Variants in SCNN1D observed in about 807,000 individuals in gnomAD.
SCNN1D encodes the protein epithelial sodium channel subunit delta.
A neutral mutation model predicts 87.8 loss-of-function variants in SCNN1D; 104 were observed. The ratio of observed to expected loss-of-function variants is 1.18; its 90% confidence interval spans 1.01 to 1.39. The LOEUF (loss-of-function observed/expected upper bound fraction) is 1.39, where lower values mean the gene tolerates loss of function less well. Ranked by LOEUF, SCNN1D falls within the 40% of genes most tolerant of loss-of-function variation. The pLI, the probability that SCNN1D is intolerant of heterozygous loss-of-function variation, is 0.00. For synonymous variants in SCNN1D, 628 were observed against 481.2 expected, an observed-to-expected ratio of 1.31 and a Z score of -3.99; for missense variants, 1,324 against 1,093.9, an observed-to-expected ratio of 1.21 and a Z score of -2.97.
chr1:1,284,549 G>T (rs992043271), intron 5 of SCNN1D, among the ~76,000 whole-genome samples: 1 of 148,458 alleles, frequency 6.7e-6, no homozygotes, highest in African/African-American at 2.5e-5. Flanking sequence ...TGGACCACGG[G>T]GGGTGCACAG....
chr1:1,288,529 TCCCGTGTCTCTGCTCCGTCC>T (rs1640683980), intron 12 of SCNN1D, among the ~76,000 whole-genome samples: 2 of 59,534 alleles, frequency 3.4e-5, no homozygotes, highest in African/African-American at 9.6e-5. Flanking sequence ...CCCTGCTCCG[TCCCGTGTCTCTGCTCCGTCC>T]CCCGTGTCTC....
At chr1:1,282,464 G>A (rs1447035383) in intron 4 of SCNN1D, 149 bp downstream of exon 4, 3 of 924,176 alleles carry the variant, frequency 3.2e-6, no homozygotes, top group Middle Eastern at 3.4e-4. Flanking sequence ...CCCGGCTCGG[G>A]TCTGGTCATT....
intron 4 of SCNN1D, among the ~76,000 whole-genome samples, chr1:1,283,472 G>T (rs7519613): frequency 0.1 from 15,862 of 152,102 alleles, 2,010 homozygotes; most frequent in African/African-American, 0.3. Context: ...GCTAAGGCGG[G>T]CGGATCACCT....
Position 1,290,304 on chromosome 1 carries a change from G to T in SCNN1D, c.1696G>T (p.Val566Leu). ...CLVSCFQQLM[V>L]ETCSCGYYLH... ...GGTGTCCTGCTTCCAGCAGCTGATG[G>T]TGGAGACCTGCTCCTGTGGCTACTA... Residue 566 changes from valine (V) to leucine (L), a missense_variant, in exon 13 of 18, where the codon GTG becomes TTG. Val to Leu is a conservative substitution (Grantham distance 32, BLOSUM62 1). Transcript: ENST00000379116. 2 of 1,586,176 alleles carry T rather than the reference G, an allele frequency of 1.3e-6. No individual in the cohort carries two copies.
intron 12 of SCNN1D, among the ~76,000 whole-genome samples, chr1:1,288,283 CTCTGCTCCGTCCCGTG>C (rs1357240731): frequency 1.3e-4 from 13 of 98,466 alleles, no homozygotes; most frequent in Non-Finnish European, 1.7e-4. Flanking sequence ...TCCCCCGAGT[CTCTGCTCCGTCCCGTG>C]TCTGCTCCGT....
In SCNN1D at chr1:1,286,081, C is replaced by T. The variant is rs751074797; in HGVS notation, c.714C>T (p.Arg238=). 1.9e-5 allele frequency: 30 copies of T among 1,606,166 alleles called. No homozygotes were observed. The highest frequency in any genetic ancestry group is 5.3e-5 in the African/African-American group (4 of 74,892). The change falls in exon 7 of 18, where the codon CGC becomes CGT. Residue 238 remains arginine, a synonymous_variant. Transcript: ENST00000379116. ...CTNATIHGAI[R]LVCSRGNRLK... is the part of the protein sequence containing the mutation. The stretch of plus-strand genomic sequence containing the variant: ...ATGCCACCATCCACGGCGCCATCCG[C>T]CTGGTCTGCTCCCGCGGGAACCGCC...
At position 1,281,431 on chromosome 1, in the gene SCNN1D, G is replaced by T. The variant is rs1640468542; in HGVS notation, c.98G>T (p.Ser33Ile). Residue 33 changes from serine (S) to isoleucine (I), a missense_variant, in exon 3 of 18, where the codon AGT becomes ATT. Coordinates refer to ENST00000379116, the MANE Select transcript of SCNN1D (RefSeq NM_001130413.4). ...TTCAGGCTCACCTGGTCATGGTGCA[G>T]TGACCACAGGACCCCCACATGCCGG... Reference protein sequence around the residue: ...GPRRLTWSWCSDHRTPTCREL... With the variant: ...GPRRLTWSWCIDHRTPTCREL... 1 of 1,520,400 alleles carries T rather than the reference G, an allele frequency of 6.6e-7. No homozygotes were observed. Among genetic ancestry groups the T allele is most frequent in the African/African-American group, 1.4e-5 (1 of 72,978 alleles). 94.2% of individuals were successfully genotyped at this position (1,520,400 alleles called of 1,614,324 possible). A position where few individuals can be genotyped will look rare whatever the true frequency, so the allele number is the denominator to read the frequency against.
intron 1 of SCNN1D, chr1:1,280,965 C>T: frequency 3.4e-6 from 2 of 589,940 alleles, no homozygotes; most frequent in South Asian, 2.1e-5. Flanking sequence ...GCAGTTGATG[C>T]CCGGGGCCGA....
chr1:1,285,158 G>A (rs991658304), intron 5 of SCNN1D, among the ~76,000 whole-genome samples: 3 of 152,186 alleles, frequency 2.0e-5, no homozygotes, highest in Non-Finnish European at 4.4e-5. Context: ...TCCCCACCTG[G>A]TGTCCCCAGG....
At chr1:1,285,540 T>C (rs2100322151) in intron 5 of SCNN1D, 31 bp from the exon 6 acceptor site, 3 of 1,428,274 alleles carry the variant, frequency 2.1e-6, no homozygotes, top group Middle Eastern at 2.0e-4. Flanking sequence ...GCGGGGCGCA[T>C]GGACACGCTA....
At chr1:1,286,595 C>A (rs1047096236) in intron 7 of SCNN1D, among the ~76,000 whole-genome samples, 173 bp from the exon 8 acceptor site, 1 of 152,082 alleles carries the variant, frequency 6.6e-6, no homozygotes, top group Non-Finnish European at 1.5e-5. Context: ...GGCTGGGCTC[C>A]GGGGCCGACC....
At chr1:1,286,610 C>T (rs998940345) in intron 7 of SCNN1D, among the ~76,000 whole-genome samples, 158 bp from the exon 8 acceptor site, 4 of 152,200 alleles carry the variant, frequency 2.6e-5, no homozygotes, top group East Asian at 1.9e-4. Flanking sequence ...CCGACCTCAC[C>T]GGCAGCCACG....
Position 1,286,595 on chromosome 1 carries a change from CG to C in SCNN1D, c.912-169del, listed in dbSNP as rs1435576547. ...GAGGGGCTGCGAGCGGGCTGGGCTC[CG>C]GGGCCGACCTCACCGGCAGCCACGG... On this transcript the variant is annotated intron_variant, in intron 7 of 17. Coordinates refer to ENST00000379116, the MANE Select transcript of SCNN1D (RefSeq NM_001130413.4). Among the ~76,000 whole-genome samples, 7 of 152,202 alleles carry C rather than the reference CG, an allele frequency of 4.6e-5. No homozygotes were observed. In the East Asian group the frequency reaches 1.4e-3, roughly 29 times the overall value.
chr1:1,285,336 C>A (rs952993784), intron 5 of SCNN1D, among the ~76,000 whole-genome samples: 1 of 152,232 alleles, frequency 6.6e-6, no homozygotes, highest in Admixed American at 6.5e-5. Flanking sequence ...TGTGTCTCCG[C>A]AGCTGGCCCC....
At chr1:1,281,737 G>A in intron 3 of SCNN1D, 127 bp downstream of exon 3, 1 of 867,846 alleles carries the variant, frequency 1.2e-6, no homozygotes, top group South Asian at 1.8e-5. Flanking sequence ...TCATGGAAGG[G>A]GTGCTCTGCC....
In SCNN1D at chr1:1,291,045, A is replaced by C. The variant is rs577983292; in HGVS notation, c.1977-20A>C. 1.2e-6 allele frequency: 2 copies of C among 1,605,766 alleles called. No homozygotes were observed. Among genetic ancestry groups the C allele is most frequent in the South Asian group, 2.2e-5 (2 of 90,488 alleles). On this transcript the variant is annotated intron_variant, in intron 16 of 17. Transcript: ENST00000379116. ...CATGAAGGTCTGGGCCAGCGCCCTC[A>C]TGCCTCTATCCTGCCCCAGGAGCAG...
At position 1,285,588 on chromosome 1, in the gene SCNN1D, C is replaced by T. The variant is rs1237752389; in HGVS notation, c.482C>T (p.Ala161Val). ...ALTSRSPGPVAPQRPCHLKGW... is the reference protein window; with the variant it reads ...ALTSRSPGPVVPQRPCHLKGW... Reference sequence around the variant, plus strand: ...TTGGGTAGATCGCCTGGGCCTGTGGCTCCCCAGAGGCCCTGCCACCTGAAG... The same window carrying T: ...TTGGGTAGATCGCCTGGGCCTGTGGTTCCCCAGAGGCCCTGCCACCTGAAG... The change falls in exon 6 of 18, where the codon GCT (alanine) becomes GTT (valine). Residue 161 changes from alanine (A) to valine (V), a missense_variant. By Grantham distance (64) the Ala-to-Val change is moderately conservative. Transcript: ENST00000379116. 2 of 1,538,420 alleles carry T rather than the reference C, an allele frequency of 1.3e-6. No individual in the cohort carries two copies. Among genetic ancestry groups the T allele is most frequent in the African/African-American group, 2.8e-5 (2 of 72,560 alleles).
intron 4 of SCNN1D, among the ~76,000 whole-genome samples, chr1:1,282,753 TTTC>T (rs1471808626): frequency 6.9e-6 from 1 of 145,000 alleles, no homozygotes; most frequent in Non-Finnish European, 1.5e-5. Flanking sequence ...TGTGAATCAC[TTTC>T]TTTTTTTTTT....
At chr1:1,280,912 G>A (rs1640457360) in intron 1 of SCNN1D, 1 of 582,470 alleles carries the variant, frequency 1.7e-6, no homozygotes. Context: ...GGGCACCTTG[G>A]TGCCACCTTA....
Sources: allele counts gnomAD v4.1 joint callset (sites outside exome capture counted in the v4.1 genomes callset), GRCh38; gene constraint gnomAD v4.1.1; transcripts MANE v1.5; gene names NCBI Gene and HGNC (gene_info 2026-07-23, HGNC 2026-07-21).